MACROD2: variants seen among roughly 807,000 people sequenced by gnomAD.
MACROD2 encodes ADP-ribose glycohydrolase MACROD2.
MACROD2 carries 36 observed loss-of-function variants against 70.4 expected under a neutral mutation model. The ratio of observed to expected loss-of-function variants is 0.51; its 90% CI spans 0.39 to 0.68. MACROD2 has a LOEUF of 0.68. MACROD2 is among the 30% of genes least tolerant of loss of function. The pLI is 0.00. For synonymous variants in MACROD2, 172 were observed against 178.8 expected (o/e 0.96, Z 0.30); for missense variants, 496 against 538.4 (o/e 0.92, Z 0.78).
chr20:14,225,886 C>A (rs1159836311), intron 3 of MACROD2, among the ~76,000 whole-genome samples: 1 of 152,118 alleles, frequency 6.6e-6, no homozygotes, highest in African/African-American at 2.4e-5. Context: ...CCACAAAAGG[C>A]TGCTCAAACC....
intron 5 of MACROD2, among the ~76,000 whole-genome samples, chr20:15,161,082 G>GT (rs1260697573): frequency 6.6e-6 from 1 of 151,902 alleles, no homozygotes; most frequent in Non-Finnish European, 1.5e-5. Flanking sequence ...TTAAATCCTG[G>GT]TTTTGCCTCA....
chr20:15,977,635 G>A (rs988154418), intron 13 of MACROD2, among the ~76,000 whole-genome samples: 1 of 152,170 alleles, frequency 6.6e-6, no homozygotes. Flanking sequence ...TTAAATGGGT[G>A]CTGGGCAGGA....
rs562352825 is a variant in MACROD2 at position 15,664,426 on chromosome 20, T to C, written c.645+164579T>C. ...GTAGTAGGTAATTGAGATCCCTAAA[T>C]TGGGGCAATTACTTTGAATTTAGTC... On this transcript the variant is annotated intron_variant, in intron 8 of 17. Transcript: ENST00000684519. 2.6e-5 allele frequency among the ~76,000 whole-genome samples: 4 copies of C among 152,360 alleles called. No homozygotes were observed. In the East Asian group the frequency reaches 5.8e-4, roughly 22 times the overall value.
chr20:15,296,000 G>C (rs929816370), intron 6 of MACROD2, among the ~76,000 whole-genome samples: 1 of 152,176 alleles, frequency 6.6e-6, no homozygotes, highest in African/African-American at 2.4e-5. Context: ...TCCCCAGCAA[G>C]CTTTTGTCTC....
chr20:14,272,811 A>C (rs1425573589), intron 3 of MACROD2, among the ~76,000 whole-genome samples: 9 of 152,338 alleles, frequency 5.9e-5, no homozygotes, highest in African/African-American at 2.2e-4. Flanking sequence ...TCTACCAAGC[A>C]AATGTAAAAC....
At chr20:14,008,836 C>T (rs1028632953) in intron 2 of MACROD2, among the ~76,000 whole-genome samples, 37 of 125,886 alleles carry the variant, frequency 2.9e-4, no homozygotes, top group African/African-American at 8.2e-4. Context: ...ATGTGATCTC[C>T]GACAAACCTG....
intron 8 of MACROD2, among the ~76,000 whole-genome samples, chr20:15,666,810 A>G (rs891868669): frequency 6.6e-6 from 1 of 152,048 alleles, no homozygotes; most frequent in African/African-American, 2.4e-5. Context: ...TGTCAGAAGA[A>G]CCCCCTGCAT....
intron 8 of MACROD2, among the ~76,000 whole-genome samples, chr20:15,667,711 G>T (rs62194062): frequency 6.6e-6 from 1 of 151,932 alleles, no homozygotes; most frequent in South Asian, 2.1e-4. Context: ...CACCTGTTAC[G>T]GCTCTTTACT....
At chr20:14,282,215 G>C (rs568002353) in intron 3 of MACROD2, among the ~76,000 whole-genome samples, 1 of 152,196 alleles carries the variant, frequency 6.6e-6, no homozygotes, top group Admixed American at 6.6e-5. Flanking sequence ...GAGGAGTATC[G>C]TAATAAATTA....
chr20:15,746,562 T>TAA (rs536288457), intron 8 of MACROD2, among the ~76,000 whole-genome samples: 7,426 of 106,950 alleles, frequency 0.069, 537 homozygotes, highest in African/African-American at 0.19. Flanking sequence ...TGGTTTCCAG[T>TAA]AAAAAAAAAA....
chr20:15,869,595 A>G (rs1408364098), intron 9 of MACROD2, among the ~76,000 whole-genome samples: 3 of 152,052 alleles, frequency 2.0e-5, no homozygotes, highest in African/African-American at 4.8e-5. Context: ...AAAATAGTAG[A>G]CATAAAACAT....
chr20:15,472,037 T>G (rs553622171), intron 7 of MACROD2, among the ~76,000 whole-genome samples: 2 of 152,232 alleles, frequency 1.3e-5, no homozygotes, highest in Non-Finnish European at 2.9e-5. Flanking sequence ...TTACTGTTTT[T>G]ACCATCTCCC....
At chr20:16,015,188 TGTTGATTTAA>T (rs1188774299) in intron 15 of MACROD2, among the ~76,000 whole-genome samples, 1 of 152,248 alleles carries the variant, frequency 6.6e-6, no homozygotes, top group Non-Finnish European at 1.5e-5. Flanking sequence ...AGTAACTTAC[TGTTGATTTAA>T]TTATTAAAAC....
chr20:14,821,579 CT>C (rs2072845115), intron 5 of MACROD2, among the ~76,000 whole-genome samples: 1 of 152,084 alleles, frequency 6.6e-6, no homozygotes, highest in Non-Finnish European at 1.5e-5. Context: ...AGAGACAATA[CT>C]TTCGTAAGCA....
chr20:14,545,219 A>T (rs942200430), intron 4 of MACROD2, among the ~76,000 whole-genome samples: 14 of 152,194 alleles, frequency 9.2e-5, no homozygotes. Context: ...ATTCTTGCCC[A>T]GGCCAATGAA....
At chr20:15,052,317 C>T (rs1027463584) in intron 5 of MACROD2, among the ~76,000 whole-genome samples, 1 of 152,090 alleles carries the variant, frequency 6.6e-6, no homozygotes, top group Non-Finnish European at 1.5e-5. Flanking sequence ...TTGTGTTTTG[C>T]TTTATTGTGC....
intron 10 of MACROD2, among the ~76,000 whole-genome samples, chr20:15,893,481 T>C (rs1327123073): frequency 6.6e-6 from 1 of 152,264 alleles, no homozygotes; most frequent in Non-Finnish European, 1.5e-5. Context: ...AGATCCTACA[T>C]ACCTTTGCAT....
intron 3 of MACROD2, among the ~76,000 whole-genome samples, chr20:14,165,191 C>T (rs186453246): frequency 1.3e-5 from 2 of 152,244 alleles, no homozygotes; most frequent in East Asian, 1.9e-4. Context: ...TGAGCTCTCT[C>T]TGGAGCAATA....
intron 3 of MACROD2, among the ~76,000 whole-genome samples, chr20:14,462,444 A>C (rs916693062): frequency 4.6e-5 from 7 of 152,010 alleles, no homozygotes; most frequent in Non-Finnish European, 7.4e-5. Flanking sequence ...GCCCTTTGTC[A>C]GTTGAGTAGA....
Sources: allele counts gnomAD v4.1 joint callset (sites outside exome capture counted in the v4.1 genomes callset), GRCh38; gene constraint gnomAD v4.1.1; transcripts MANE v1.5; gene names NCBI Gene and HGNC (gene_info 2026-07-23, HGNC 2026-07-21).